Variants in NRN1 observed in about 807,000 individuals in gnomAD.
NRN1 encodes neuritin 1, also known as neuritin.
Under a neutral mutation model 15.0 loss-of-function variants are expected in NRN1, and 4 were observed. That is an observed-to-expected ratio of 0.27 (90% CI 0.13 to 0.61). The LOEUF is 0.61. Among genes scored for constraint, NRN1 ranks in the 20% least tolerant of loss-of-function variants. The pLI is 0.87. For synonymous variants in NRN1, 85 were observed against 79.8 expected, an observed-to-expected ratio of 1.07 and a Z score of -0.35; for missense variants, 134 against 181.9, an observed-to-expected ratio of 0.74 and a Z score of 1.51.
chr6:6,005,906 T>C (rs1272968559), intron 1 of NRN1, among the ~76,000 whole-genome samples: 1 of 152,176 alleles, frequency 6.6e-6, no homozygotes, highest in Non-Finnish European at 1.5e-5. Flanking sequence ...TAACATAAAA[T>C]GGGGACTAAA....
chr6:6,007,483 C>G (rs1758139314), upstream of NRN1: 1 of 152,706 alleles, frequency 6.5e-6, no homozygotes. Flanking sequence ...CTGCGCTTGC[C>G]TACCCTCTTT....
In NRN1 at chr6:6,006,876, A is replaced by T. The variant is rs1758123801; in HGVS notation, c.-127T>A. ...AGCGACAGAGACTTTATGCACTGGG[A>T]AGGCAGAGGGAGGAGAGAAAGAGAG... On this transcript the variant is annotated 5_prime_UTR_variant, in exon 1 of 3. Transcript: ENST00000244766. 6.1e-6 allele frequency: 4 copies of T among 656,014 alleles called. No individual in the cohort carries two copies. The highest frequency in any genetic ancestry group is 1.1e-5 in the Non-Finnish European group (4 of 354,506). The allele number at this position is 656,014 out of a possible 1,614,324, so 40.6% of individuals were successfully genotyped here.
At chr6:6,004,176 C>T (rs1226585464) in intron 1 of NRN1, 3 of 275,878 alleles carry the variant, frequency 1.1e-5, no homozygotes, top group Non-Finnish European at 1.7e-5. Context: ...GGGGCAGATA[C>T]GTAAACCTTC....
rs2151035207 is a variant in NRN1, at chr6:6,006,900, AG to A, written c.-152del. ...GAAGGCAGAGGGAGGAGAGAAAGAG[AG>A]GGAGCGAGGAAGAGACAGAAAGAGA... On this transcript the variant is annotated 5_prime_UTR_variant, in exon 1 of 3. Coordinates refer to ENST00000244766, the MANE Select transcript of NRN1 (RefSeq NM_016588.3). 1 of 464,290 alleles carries A rather than the reference AG, an allele frequency of 2.2e-6. No individual in the cohort carries two copies. The highest frequency in any genetic ancestry group is 2.7e-5 in the Admixed American group (1 of 37,090). 28.8% of individuals were successfully genotyped at this position (464,290 alleles called of 1,614,324 possible). A position where few individuals can be genotyped will look rare whatever the true frequency, so the allele number is the denominator to read the frequency against.
chr6:6,006,702 C>A lies in NRN1; in HGVS notation c.48G>T (p.Val16=), dbSNP rs1758119389. ...NGRYISLILA[V]QIAYLVQAVR... is the part of the protein sequence containing the mutation. ...GGCTGAGCGGCCACTTACCTATTTG[C>A]ACCGCGAGGATCAGTGAAATATATC... Residue 16 remains valine (V), a synonymous_variant, in exon 1 of 3, where the codon GTG becomes GTT. Coordinates refer to ENST00000244766, the MANE Select transcript of NRN1 (RefSeq NM_016588.3). The A allele has an allele frequency of 1.9e-6, 3 of 1,614,076 alleles. No homozygotes were observed. In the East Asian group the frequency reaches 6.7e-5, roughly 36 times the overall value.
chr6:5,999,273 G>A, intron 2 of NRN1, 69 bp from the exon 3 acceptor site: 1 of 1,366,618 alleles, frequency 7.3e-7, no homozygotes, highest in African/African-American at 1.4e-5. Context: ...CCGGGCTTGC[G>A]CCCCTGCGCC....
intron 1 of NRN1, chr6:6,003,335 G>T (rs1230414796): frequency 2.0e-6 from 2 of 984,998 alleles, no homozygotes; most frequent in Non-Finnish European, 2.6e-6. Flanking sequence ...GGTCACCTCC[G>T]CAAAGGCCAA....
chr6:6,003,326 G>C, intron 1 of NRN1: 1 of 1,091,904 alleles, frequency 9.2e-7, no homozygotes, highest in Non-Finnish European at 1.2e-6. Context: ...GTCTGCCTGG[G>C]TCACCTCCGC....
rs1399429680 is a variant in NRN1, at chr6:6,002,365, T to A, written c.188A>T (p.Lys63Met). The stretch of plus-strand genomic sequence containing the variant: ...AGAGGACACTTACGTGCACACGGTC[T>A]TGATGTTCGTCTTGTCGTCCAGGCC... ...PQGLDDKTNI[K>M]TVCTYWEDFH... Residue 63 changes from lysine (K) to methionine (M), a missense_variant, in exon 2 of 3, where the codon AAG (lysine) becomes ATG (methionine). Coordinates refer to ENST00000244766, the MANE Select transcript of NRN1 (RefSeq NM_016588.3). 3.1e-6 allele frequency: 5 copies of A among 1,614,114 alleles called. No homozygotes were observed. In the Admixed American group the frequency reaches 8.3e-5, roughly 27 times the overall value.
At chr6:6,002,777 C>A in intron 1 of NRN1, 2 of 461,584 alleles carry the variant, frequency 4.3e-6, no homozygotes, top group South Asian at 7.4e-5. Flanking sequence ...AGCTCCCTCC[C>A]GCATCTCGCT....
chr6:6,005,223 ACT>A (rs1236622416), intron 1 of NRN1, among the ~76,000 whole-genome samples: 2 of 151,814 alleles, frequency 1.3e-5, no homozygotes, highest in Non-Finnish European at 2.9e-5. Context: ...CTCAAAAACA[ACT>A]CTCTCTCCTG....
upstream of NRN1, chr6:6,006,961 GA>G (rs1324733864): frequency 3.2e-3 from 593 of 184,446 alleles, 5 homozygotes; most frequent in African/African-American, 7.4e-3. Flanking sequence ...GAGAGAGGCT[GA>G]GGGGGGGGGG....
At chr6:6,001,178 C>G (rs1392595165) in intron 2 of NRN1, among the ~76,000 whole-genome samples, 1 of 152,140 alleles carries the variant, frequency 6.6e-6, no homozygotes, top group Non-Finnish European at 1.5e-5. Flanking sequence ...AAATTGACAC[C>G]ATTTAATTTA....
intron 1 of NRN1, chr6:6,002,995 C>A (rs1029716435): frequency 9.7e-6 from 4 of 410,366 alleles, no homozygotes; most frequent in Non-Finnish European, 1.7e-5. Flanking sequence ...GACGACAGGG[C>A]GTGGGGTCAC....
intron 2 of NRN1, among the ~76,000 whole-genome samples, chr6:6,001,843 A>C (rs1233028119): frequency 6.6e-6 from 1 of 152,174 alleles, no homozygotes; most frequent in African/African-American, 2.4e-5. Context: ...TGTCACGAGA[A>C]ATGGACAGAA....
At chr6:6,002,566 C>G in intron 1 of NRN1, 69 bp from the exon 2 acceptor site, 1 of 1,565,890 alleles carries the variant, frequency 6.4e-7, no homozygotes. Context: ...CCCTTTCCTG[C>G]GAGACCCTGG....
chr6:6,004,060 G>C, intron 1 of NRN1: 2 of 1,141,010 alleles, frequency 1.8e-6, no homozygotes, highest in Non-Finnish European at 2.1e-6. Context: ...TTCCGAGAGC[G>C]TACCCGTTTG....
At position 6,005,055 on chromosome 6, in the gene NRN1, C is replaced by G. The variant is rs544806960; in HGVS notation, c.55+1640G>C. On this transcript the variant is annotated intron_variant, in intron 1 of 2. Transcript: ENST00000244766. ...ACAAATACGTTCAATTTCAATTCCACAGTCAACAAATAGTCATTTTTGGAC... is the reference window on the plus strand; with the variant it reads ...ACAAATACGTTCAATTTCAATTCCAGAGTCAACAAATAGTCATTTTTGGAC... Among the ~76,000 whole-genome samples, 3 of 152,130 alleles carry G rather than the reference C, an allele frequency of 2.0e-5. No individual in the cohort carries two copies. The South Asian group carries it at 6.2e-4, about 32-fold the overall frequency.
intron 2 of NRN1, among the ~76,000 whole-genome samples, chr6:6,000,886 G>A (rs556712739): frequency 6.6e-5 from 10 of 151,952 alleles, no homozygotes; most frequent in Non-Finnish European, 1.3e-4. Flanking sequence ...GGACCTAGCC[G>A]TGGCCTGTGA....
Sources: allele counts gnomAD v4.1 joint callset (sites outside exome capture counted in the v4.1 genomes callset), GRCh38; gene constraint gnomAD v4.1.1; transcripts MANE v1.5; gene names NCBI Gene and HGNC (gene_info 2026-07-23, HGNC 2026-07-21).